The following FRMPD4 variants were observed in gnomAD, a reference collection of about 807,000 sequenced individuals.
FRMPD4 encodes FERM and PDZ domain containing 4, also known as FERM and PDZ domain-containing protein 4.
Under a neutral mutation model 94.1 loss-of-function variants are expected in FRMPD4, and 22 were observed. The ratio of observed to expected loss-of-function variants is 0.23; its 90% CI spans 0.17 to 0.33. The LOEUF is 0.33. Among genes scored for constraint, FRMPD4 ranks in the 10% least tolerant of loss-of-function variants. The pLI, the probability that FRMPD4 is intolerant of heterozygous loss-of-function variation, is 1.00. For missense variants in FRMPD4, 1,111 were observed against 1,339.9 expected (o/e 0.83, Z 2.67); for synonymous variants, 631 against 548.6 (o/e 1.15, Z -2.10).
intron 1 of FRMPD4, among the ~76,000 whole-genome samples, chrX:12,451,681 T>C (rs1483936400): frequency 1.8e-5 from 2 of 110,972 alleles, no homozygotes; most frequent in Non-Finnish European, 3.8e-5. Context: ...TCAAATTTTA[T>C]ATTGCTTACA....
In FRMPD4 at chrX:12,349,275, A is replaced by G. The variant is rs371632147; in HGVS notation, c.42-149405A>G. On this transcript the variant is annotated intron_variant, in intron 1 of 16. Transcript: ENST00000675598. ...TTTAAAACACGGAATCTCCACAAACATGCACAGATCTCCCCCACAAACCAT... is the reference window on the plus strand; with the variant it reads ...TTTAAAACACGGAATCTCCACAAACGTGCACAGATCTCCCCCACAAACCAT... Among the ~76,000 whole-genome samples, 13 of 111,041 alleles carry G rather than the reference A, an allele frequency of 1.2e-4. No individual in the cohort carries two copies. In the East Asian group the frequency reaches 3.4e-3, roughly 29 times the overall value.
intron 1 of FRMPD4, among the ~76,000 whole-genome samples, chrX:12,253,268 C>T (rs1249729132): frequency 8.9e-6 from 1 of 112,248 alleles, no homozygotes; most frequent in Non-Finnish European, 1.9e-5. Flanking sequence ...CTGGAAACAG[C>T]GAGTGAGTTG....
rs1322363481 is a variant in FRMPD4 at position 12,428,672 on chromosome X, T to C, written c.42-70008T>C. On this transcript the variant is annotated intron_variant, in intron 1 of 16. Coordinates refer to ENST00000675598, the MANE Select transcript of FRMPD4 (RefSeq NM_001368397.1). ...CAGTACTTTATTAAGAAGGAGTGCA[T>C]GGCTGTAATATCTTCGCTTCTTTCT... 8.0e-5 allele frequency among the ~76,000 whole-genome samples: 9 copies of C among 112,045 alleles called. No homozygotes were observed. In the East Asian group the frequency reaches 2.2e-3, roughly 28 times the overall value.
At chrX:12,470,271 C>T (rs1445896047) in intron 1 of FRMPD4, among the ~76,000 whole-genome samples, 3 of 111,899 alleles carry the variant, frequency 2.7e-5, no homozygotes, top group East Asian at 2.8e-4. Context: ...TGGAAATTGT[C>T]GTTAACATCT....
intron 1 of FRMPD4, among the ~76,000 whole-genome samples, chrX:12,420,466 C>T (rs949625758): frequency 2.7e-5 from 3 of 111,827 alleles, no homozygotes; most frequent in Admixed American, 9.5e-5. Flanking sequence ...TTGTCCCCTC[C>T]ACCTCTCACC....
chrX:12,367,348 A>G (rs992483596), intron 1 of FRMPD4, among the ~76,000 whole-genome samples: 3 of 111,955 alleles, frequency 2.7e-5, no homozygotes, highest in African/African-American at 9.7e-5. Flanking sequence ...CACATATAGC[A>G]CTGCAGCATT....
At chrX:12,446,824 CA>C (rs2057201674) in intron 1 of FRMPD4, among the ~76,000 whole-genome samples, 1 of 111,653 alleles carries the variant, frequency 9.0e-6, no homozygotes. Context: ...ACTAATACAC[CA>C]GGGGTGGCTC....
intron 1 of FRMPD4, among the ~76,000 whole-genome samples, chrX:12,223,169 C>A (rs774318491): frequency 9.0e-6 from 1 of 111,625 alleles, no homozygotes; most frequent in East Asian, 2.8e-4. Flanking sequence ...TTCATTGCAG[C>A]ACTATTCACA....
chrX:12,551,209 T>C (rs1439290702), intron 2 of FRMPD4, among the ~76,000 whole-genome samples: 2 of 111,124 alleles, frequency 1.8e-5, no homozygotes, highest in South Asian at 3.7e-4. Flanking sequence ...AAGAGTACAC[T>C]GAACTCCCAT....
intron 1 of FRMPD4, among the ~76,000 whole-genome samples, chrX:12,439,059 A>G (rs1046372958): frequency 9.0e-6 from 1 of 111,322 alleles, no homozygotes; most frequent in African/African-American, 3.3e-5. Context: ...CATCCAGAGC[A>G]AAGGCAGAGT....
At chrX:12,219,318 A>C (rs2056839262) in intron 1 of FRMPD4, among the ~76,000 whole-genome samples, 1 of 111,601 alleles carries the variant, frequency 9.0e-6, no homozygotes, top group Admixed American at 9.5e-5. Context: ...ACAGTGAGCC[A>C]TGTTCACACC....
At chrX:12,634,284 G>C (rs1681975821) in intron 4 of FRMPD4, among the ~76,000 whole-genome samples, 1 of 112,273 alleles carries the variant, frequency 8.9e-6, no homozygotes, top group South Asian at 3.7e-4. Context: ...CTATATGTCT[G>C]TGTCTAATAA....
chrX:12,649,835 C>T (rs1187033426), intron 4 of FRMPD4, among the ~76,000 whole-genome samples: 1 of 112,823 alleles, frequency 8.9e-6, no homozygotes, highest in Non-Finnish European at 1.9e-5. Context: ...TGTATTGAAA[C>T]CTTGTGCAGA....
intron 1 of FRMPD4, among the ~76,000 whole-genome samples, chrX:12,418,513 CAATGCCTGGCT>C (rs1339912348): frequency 9.2e-6 from 1 of 108,663 alleles, no homozygotes; most frequent in African/African-American, 3.4e-5. Flanking sequence ...CGCGTGCCAC[CAATGCCTGGCT>C]AATTTTTGTA....
At chrX:12,095,632 CA>C (rs1289462527) in intron 3 of FRMPD4, among the ~76,000 whole-genome samples, 1 of 111,011 alleles carries the variant, frequency 9.0e-6, no homozygotes, top group African/African-American at 3.3e-5. Context: ...GCAAAAAGGT[CA>C]TCAGTTTGGA....
At chrX:12,225,868 A>G (rs1234289501) in intron 1 of FRMPD4, among the ~76,000 whole-genome samples, 1 of 112,151 alleles carries the variant, frequency 8.9e-6, no homozygotes, top group African/African-American at 3.2e-5. Context: ...AAGGAATAAC[A>G]AATGAAGAAT....
Position 12,504,207 on chromosome X carries a change from T to C in FRMPD4, c.158+5411T>C, listed in dbSNP as rs182422278. On this transcript the variant is annotated intron_variant, in intron 2 of 16. Coordinates refer to ENST00000675598, the MANE Select transcript of FRMPD4 (RefSeq NM_001368397.1). ...GAAGGAAATAAGAGAAATCTCTTGG[T>C]GATAGGTTACTCTGTTATTCTGTGA... is the stretch of plus-strand genomic sequence containing the variant. Among the ~76,000 whole-genome samples the C allele has an allele frequency of 8.0e-5, 9 of 112,924 alleles. No homozygotes were observed. The East Asian group carries it at 2.5e-3, about 31-fold the overall frequency.
At chrX:12,303,791 G>T (rs565254265) in intron 1 of FRMPD4, among the ~76,000 whole-genome samples, 1 of 112,313 alleles carries the variant, frequency 8.9e-6, no homozygotes, top group Admixed American at 9.4e-5. Flanking sequence ...CAAAAAGATC[G>T]ATCCTTGGAT....
At chrX:12,170,406 A>G (rs1280596159) in intron 1 of FRMPD4, among the ~76,000 whole-genome samples, 7 of 110,854 alleles carry the variant, frequency 6.3e-5, no homozygotes, top group Non-Finnish European at 1.1e-4. Context: ...GCATGTTAGC[A>G]TCCGTGAAAT....
Sources: gnomAD v4.1 joint callset for allele counts (sites outside exome capture counted in the v4.1 genomes callset) on GRCh38, gnomAD v4.1.1 for gene constraint, MANE v1.5 for transcripts, NCBI Gene and HGNC (gene_info 2026-07-23, HGNC 2026-07-21) for gene names.